The following PTPRK variants were observed in gnomAD, a reference collection of about 807,000 sequenced individuals.
The protein encoded by PTPRK is protein tyrosine phosphatase receptor type K.
A neutral mutation model predicts 178.0 loss-of-function variants in PTPRK; 75 were observed. The observed-to-expected ratio is 0.42, with a 90% CI of 0.35 to 0.51. The LOEUF (loss-of-function observed/expected upper bound fraction) is 0.51. PTPRK is among the 20% of genes least tolerant of loss of function. PTPRK has a pLI of 0.02. For missense variants in PTPRK, 1,441 were observed against 1,797.8 expected, an observed-to-expected ratio of 0.80 and a Z score of 3.59; for synonymous variants, 637 against 620.6, an observed-to-expected ratio of 1.03 and a Z score of -0.39.
intron 6 of PTPRK, among the ~76,000 whole-genome samples, chr6:128,207,766 G>A (rs1807233714): frequency 2.6e-5 from 4 of 152,084 alleles, no homozygotes; most frequent in Admixed American, 2.6e-4. Context: ...TTAGATGCAA[G>A]AATATAAGTG....
At chr6:128,044,256 C>T (rs187326374) in intron 13 of PTPRK, among the ~76,000 whole-genome samples, 118 of 152,086 alleles carry the variant, frequency 7.8e-4, no homozygotes, top group Non-Finnish European at 4.7e-4. Flanking sequence ...ATTTTCCTTC[C>T]TACATTACAT....
rs573421234 is a variant in PTPRK, at chr6:128,167,757, CAT to C, written c.1162+16673_1162+16674del. Among the ~76,000 whole-genome samples, 110 of 152,130 alleles carry C rather than the reference CAT, an allele frequency of 7.2e-4. 1 individual carries two copies. The highest frequency in any genetic ancestry group is 2.5e-3 in the African/African-American group (104 of 41,548). Reference sequence around the variant, plus strand: ...ATGAACTTAATTCTTGCAATTACCACATGTTGTATTTATTAGTAACAGTTCTA... The same window carrying C: ...ATGAACTTAATTCTTGCAATTACCACGTTGTATTTATTAGTAACAGTTCTA... On this transcript the variant is annotated intron_variant, in intron 7 of 29. Transcript: ENST00000368226.
intron 5 of PTPRK, among the ~76,000 whole-genome samples, chr6:128,238,635 T>A (rs758329478): frequency 1.5e-4 from 23 of 152,188 alleles, no homozygotes; most frequent in Non-Finnish European, 2.5e-4. Context: ...CTAAAATCAT[T>A]TTTAAACTAT....
intron 2 of PTPRK, 95 bp downstream of exon 2, chr6:128,397,471 T>C: frequency 6.9e-7 from 1 of 1,458,400 alleles, no homozygotes; most frequent in Non-Finnish European, 9.5e-7. Flanking sequence ...TAGCTTATTA[T>C]AACCATTAAA....
At chr6:128,053,149 AAC>A (rs61106638) in intron 13 of PTPRK, among the ~76,000 whole-genome samples, 113,736 of 144,804 alleles carry the variant, frequency 0.79, 47,590 homozygotes, top group Non-Finnish European at 0.93. Context: ...ATGTGTATGG[AAC>A]ACACACACAC....
chr6:128,373,018 G>T (rs2128349906), intron 2 of PTPRK, among the ~76,000 whole-genome samples: 1 of 151,902 alleles, frequency 6.6e-6, no homozygotes, highest in East Asian at 1.9e-4. Context: ...TGGTGACCTA[G>T]GACTGGAAAC....
intron 2 of PTPRK, among the ~76,000 whole-genome samples, chr6:128,359,181 TG>T: frequency 6.6e-6 from 1 of 151,896 alleles, no homozygotes. Context: ...CCAGGTACGG[TG>T]GCTCACGCCT....
intron 20 of PTPRK, 141 bp downstream of exon 20, chr6:127,991,153 C>T: frequency 3.2e-6 from 2 of 616,628 alleles, no homozygotes; most frequent in Non-Finnish European, 5.4e-6. Flanking sequence ...CAGTCAAGGT[C>T]TACTTAGAAG....
At chr6:128,087,157 A>G (rs115596832) in intron 8 of PTPRK, among the ~76,000 whole-genome samples, 71 of 152,264 alleles carry the variant, frequency 4.7e-4, no homozygotes, top group Middle Eastern at 3.4e-3. Context: ...GCAATATGAA[A>G]AAGATTATAT....
chr6:128,323,995 T>C (rs777095081), intron 2 of PTPRK, among the ~76,000 whole-genome samples: 9 of 152,122 alleles, frequency 5.9e-5, no homozygotes, highest in Non-Finnish European at 1.2e-4. Flanking sequence ...CTTTATTATA[T>C]TCACATTCTG....
chr6:128,454,659 A>G (rs2128408477), intron 1 of PTPRK, among the ~76,000 whole-genome samples: 1 of 152,282 alleles, frequency 6.6e-6, no homozygotes, highest in South Asian at 2.1e-4. Flanking sequence ...TCCTTTAAAG[A>G]GATATACCTA....
chr6:128,050,598 T>G (rs1778838513), intron 13 of PTPRK, among the ~76,000 whole-genome samples: 1 of 152,224 alleles, frequency 6.6e-6, no homozygotes, highest in South Asian at 2.1e-4. Flanking sequence ...TGCTGATTAT[T>G]TAATTCATAT....
chr6:128,472,403 C>A (rs1850801625), intron 1 of PTPRK, among the ~76,000 whole-genome samples: 1 of 140,402 alleles, frequency 7.1e-6, no homozygotes, highest in African/African-American at 2.9e-5. Flanking sequence ...GTTTAGGGAA[C>A]TCCCTGAATT....
At chr6:128,413,970 G>T (rs970730177) in intron 1 of PTPRK, among the ~76,000 whole-genome samples, 8 of 151,904 alleles carry the variant, frequency 5.3e-5, no homozygotes, top group African/African-American at 1.9e-4. Flanking sequence ...ATCACTAAAA[G>T]AAAAGAGAAA....
At chr6:127,983,209 A>AG in intron 23 of PTPRK, 33 bp downstream of exon 23, 2 of 1,504,116 alleles carry the variant, frequency 1.3e-6, no homozygotes, top group Non-Finnish European at 1.8e-6. Flanking sequence ...AATAAAAAAT[A>AG]AAAAAAAGTC....
chr6:128,083,561 G>T, intron 9 of PTPRK, 154 bp downstream of exon 9: 1 of 420,244 alleles, frequency 2.4e-6, no homozygotes, highest in South Asian at 9.7e-5. Context: ...CTTAATTTTG[G>T]AATCAAAGAA....
rs1245603664 is a variant in PTPRK at position 128,482,609 on chromosome 6, TA to T, written c.100+37649del. On this transcript the variant is annotated intron_variant, in intron 1 of 29. Coordinates refer to ENST00000368226, the MANE Select transcript of PTPRK (RefSeq NM_002844.4). Reference sequence around the variant, plus strand: ...ATAGTGAGAAGTTAACTCAAAGTAGTAACAGCCAAATCACAGAAAAGCGCCT... The same window carrying T: ...ATAGTGAGAAGTTAACTCAAAGTAGTACAGCCAAATCACAGAAAAGCGCCT... Among the ~76,000 whole-genome samples the T allele has an allele frequency of 2.0e-5, 3 of 152,294 alleles. No homozygotes were observed. In the East Asian group the frequency reaches 5.8e-4, roughly 29 times the overall value.
chr6:128,352,402 C>A (rs1833302062), intron 2 of PTPRK, among the ~76,000 whole-genome samples: 1 of 7,432 alleles, frequency 1.3e-4, no homozygotes, highest in Non-Finnish European at 0.01. Context: ...ATTTTTCATT[C>A]TGCAACTACC....
At chr6:128,299,404 G>A (rs1313103240) in intron 3 of PTPRK, among the ~76,000 whole-genome samples, 9 of 151,734 alleles carry the variant, frequency 5.9e-5, no homozygotes, top group South Asian at 2.1e-4. Flanking sequence ...AAAAGAGCCC[G>A]CACTGCCAAG....
Sources: allele counts gnomAD v4.1 joint callset (sites outside exome capture counted in the v4.1 genomes callset), GRCh38; gene constraint gnomAD v4.1.1; transcripts MANE v1.5; gene names NCBI Gene and HGNC (gene_info 2026-07-23, HGNC 2026-07-21).